ACSS2: variants seen among roughly 807,000 people sequenced by gnomAD.
ACSS2 encodes the protein acyl-CoA synthetase short chain family member 2.
A neutral mutation model predicts 90.6 loss-of-function variants in ACSS2; 58 were observed. That is an observed-to-expected ratio of 0.64 (90% CI 0.52 to 0.80). The LOEUF (loss-of-function observed/expected upper bound fraction) is 0.80. ACSS2 is among the 30% of genes least tolerant of loss of function. The pLI is 0.00. For missense variants in ACSS2, 759 were observed against 912.0 expected (o/e 0.83, Z 2.16); for synonymous variants, 300 against 330.9 (o/e 0.91, Z 1.01).
Position 34,913,421 on chromosome 20 carries a change from C to G in ACSS2, c.495C>G (p.Ile165Met). 1 of 1,614,042 alleles carries G rather than the reference C, an allele frequency of 6.2e-7. No individual in the cohort carries two copies. Residue 165 changes from isoleucine (I) to methionine (M), a missense_variant, in exon 4 of 18, where the codon ATC becomes ATG. Physicochemically the swap from Ile to Met is conservative, Grantham distance 10. Transcript: ENST00000360596. ...TTCAGAAGGGGGACCGAGTGGCCAT[C>G]TACATGCCTATGATCCCAGAGCTTG... Reference protein sequence around the residue: ...QGIQKGDRVAIYMPMIPELVV... With the variant: ...QGIQKGDRVAMYMPMIPELVV...
rs766075605 is a variant in ACSS2, at chr20:34,914,455, A to T, written c.834+18A>T. 2 of 1,576,628 alleles carry T rather than the reference A, an allele frequency of 1.3e-6. No homozygotes were observed. Among genetic ancestry groups the T allele is most frequent in the Non-Finnish European group, 1.7e-6 (2 of 1,161,476 alleles). ...ATGTGCAGGTGAGTCTGGCACTGCT[A>T]TGCCTTTCTCCAGGCTCAAATTCCT... On this transcript the variant is annotated intron_variant, in intron 7 of 17. Transcript: ENST00000360596.
rs777273717 is a variant in ACSS2, at chr20:34,925,770, A to G, written c.1726+4A>G. ...GATGACATGCTCAATGTATCTGGTG[A>G]GGGCCAGGGGCCACCTTCCCATCTT... On this transcript the variant is annotated splice_donor_region_variant and intron_variant, in intron 15 of 17. Transcript: ENST00000360596. 2 of 1,612,188 alleles carry G rather than the reference A, an allele frequency of 1.2e-6. No homozygotes were observed. The highest frequency in any genetic ancestry group is 1.7e-6 in the Non-Finnish European group (2 of 1,179,296).
intron 1 of ACSS2, among the ~76,000 whole-genome samples, chr20:34,879,434 TCAC>T (rs993505645): frequency 1.0e-3 from 158 of 151,950 alleles, no homozygotes; most frequent in African/African-American, 3.7e-3. Flanking sequence ...CAATTTATGC[TCAC>T]CTTTTTCCTC....
rs542179584 is a variant in ACSS2, at chr20:34,912,918, A to G, written c.375-178A>G. Among the ~76,000 whole-genome samples, 3 of 152,370 alleles carry G rather than the reference A, an allele frequency of 2.0e-5. No individual in the cohort carries two copies. The East Asian group carries it at 5.8e-4, about 29-fold the overall frequency. On this transcript the variant is annotated intron_variant, in intron 2 of 17. Coordinates refer to ENST00000360596, the MANE Select transcript of ACSS2 (RefSeq NM_018677.4). ...TGTATAAAATATCTTGAATGGCCAA[A>G]GTATCTGACCCGTCAGCTCAAGATT...
At chr20:34,916,028 C>T (rs1015312932) in intron 7 of ACSS2, among the ~76,000 whole-genome samples, 2 of 152,144 alleles carry the variant, frequency 1.3e-5, no homozygotes, top group African/African-American at 2.4e-5. Flanking sequence ...CTCACTATTC[C>T]TCTGGATTTT....
chr20:34,882,711 T>C (rs6088638), intron 1 of ACSS2, 83 bp from the exon 2 acceptor site: 187,457 of 1,314,978 alleles, frequency 0.14, 15,549 homozygotes, highest in Non-Finnish European at 0.17. Flanking sequence ...TATAATTTGG[T>C]CCTGTGTATA....
At chr20:34,917,831 C>G (rs2081108034) in intron 7 of ACSS2, among the ~76,000 whole-genome samples, 1 of 151,994 alleles carries the variant, frequency 6.6e-6, no homozygotes, top group Non-Finnish European at 1.5e-5. Context: ...CGGCTTACTG[C>G]AACTTCTGCT....
At chr20:34,890,987 G>A (rs1003247806) in intron 2 of ACSS2, among the ~76,000 whole-genome samples, 2 of 148,810 alleles carry the variant, frequency 1.3e-5, no homozygotes, top group Non-Finnish European at 3.0e-5. Flanking sequence ...CCATGTCACT[G>A]AAGTGAACTC....
At chr20:34,879,496 G>GACACACACACACACAC (rs11467604) in intron 1 of ACSS2, among the ~76,000 whole-genome samples, 2 of 147,790 alleles carry the variant, frequency 1.4e-5, no homozygotes, top group African/African-American at 5.0e-5. Context: ...TCCAGATTCT[G>GACACACACACACACAC]ACACACACAC....
chr20:34,927,130 C>T lies in ACSS2; in HGVS notation c.2022C>T (p.Asp674=), dbSNP rs573727038. The T allele has an allele frequency of 6.2e-7, 1 of 1,614,138 alleles. No individual in the cohort carries two copies. The highest frequency in any genetic ancestry group is 1.3e-5 in the African/African-American group (1 of 75,016). Residue 674 remains aspartate, a synonymous_variant, in exon 18 of 18, where the codon GAC becomes GAT. Transcript: ENST00000360596. This position sits in a 1 kb window ranked among gnomAD's most constrained non-coding sequence, Gnocchi z 4.2. The stretch of plus-strand genomic sequence containing the variant: ...TGCTTCGGAAGATTGCTCAGAATGA[C>T]CATGACCTCGGGGACATGTCTACTG... ...RRVLRKIAQN[D]HDLGDMSTVA...
At chr20:34,876,603 G>A (rs751381526), upstream of ACSS2, 2 of 1,294,128 alleles carry the variant, frequency 1.5e-6, no homozygotes, top group Non-Finnish European at 2.0e-6. Context: ...CCCGGCACCC[G>A]CCGCGACCGC....
Position 34,905,373 on chromosome 20 carries a change from C to T in ACSS2, c.375-7723C>T, listed in dbSNP as rs1007604813. 4.0e-5 allele frequency among the ~76,000 whole-genome samples: 6 copies of T among 151,630 alleles called. No individual in the cohort carries two copies. The South Asian group carries it at 1.0e-3, about 26-fold the overall frequency. On this transcript the variant is annotated intron_variant, in intron 2 of 17. Transcript: ENST00000360596. Reference sequence around the variant, plus strand: ...CTGCAAGCTCCACCTCCTGGGTTCACGCCATCCTCCTGCCTCAGCCTCCCG... The same window carrying T: ...CTGCAAGCTCCACCTCCTGGGTTCATGCCATCCTCCTGCCTCAGCCTCCCG...
chr20:34,914,032 G>C, intron 5 of ACSS2, 64 bp from the exon 6 acceptor site: 4 of 1,564,122 alleles, frequency 2.6e-6, no homozygotes, highest in Non-Finnish European at 2.6e-6. Context: ...GGGCCCTATG[G>C]ACATTGTGCC....
At chr20:34,875,597 G>A (rs2079889995), upstream of ACSS2, among the ~76,000 whole-genome samples, 3 of 152,146 alleles carry the variant, frequency 2.0e-5, no homozygotes, top group East Asian at 5.8e-4. Flanking sequence ...CAAAAAAAGA[G>A]AATGTGAATG....
chr20:34,882,627 A>G (rs2080093592), intron 1 of ACSS2, among the ~76,000 whole-genome samples, 167 bp from the exon 2 acceptor site: 1 of 152,096 alleles, frequency 6.6e-6, no homozygotes, highest in South Asian at 2.1e-4. Flanking sequence ...ATCTCCAAAA[A>G]AAAAAAAGTG....
At position 34,927,011 on chromosome 20, in the gene ACSS2, C is replaced by T. The variant is rs1373438360; in HGVS notation, c.1978+60C>T. ...TGAGGCCTGGTGGTGGTGGGGTGTG[C>T]GTGGATGAAAGCCTTTGGCAGGGCT... On this transcript the variant is annotated intron_variant, in intron 17 of 17. Transcript: ENST00000360596. The surrounding 1 kb of genome is among the most constrained non-coding windows in gnomAD (Gnocchi z 4.2). The T allele has an allele frequency of 2.3e-5, 37 of 1,613,538 alleles. No homozygotes were observed. The highest frequency in any genetic ancestry group is 2.7e-5 in the Non-Finnish European group (32 of 1,179,696).
At position 34,906,983 on chromosome 20, in the gene ACSS2, C is replaced by CAAAAAAA. The variant is rs1228479859; in HGVS notation, c.375-6098_375-6092dup. ...TGGGTGACAGAGCGAGACTCCATCT[C>CAAAAAAA]AAAAAAAAAAAAAAAAAAAAAGATC... On this transcript the variant is annotated intron_variant, in intron 2 of 17. Coordinates refer to ENST00000360596, the MANE Select transcript of ACSS2 (RefSeq NM_018677.4). Among the ~76,000 whole-genome samples, 5 of 41,560 alleles carry CAAAAAAA rather than the reference C, an allele frequency of 1.2e-4. 1 individual carries two copies. Among genetic ancestry groups the CAAAAAAA allele is most frequent in the African/African-American group, 3.8e-4 (5 of 13,176 alleles). The allele number at this position is 41,560 out of a possible 152,430, so 27.3% of individuals were successfully genotyped here.
chr20:34,913,335 A>C (rs1463184286), intron 3 of ACSS2, 58 bp from the exon 4 acceptor site: 1 of 1,581,070 alleles, frequency 6.3e-7, no homozygotes, highest in East Asian at 2.2e-5. Context: ...GCTGGATGGG[A>C]GGGAGCAAGT....
chr20:34,876,986 A>G (rs1227335047), intron 1 of ACSS2, among the ~76,000 whole-genome samples, 163 bp downstream of exon 1: 1 of 152,112 alleles, frequency 6.6e-6, no homozygotes, highest in Non-Finnish European at 1.5e-5. Flanking sequence ...GGATTCCGGG[A>G]GGAGACGAGG....
Sources: allele counts gnomAD v4.1 joint callset (sites outside exome capture counted in the v4.1 genomes callset), GRCh38; gene constraint gnomAD v4.1.1; non-coding constraint Gnocchi (gnomAD v3.1); transcripts MANE v1.5; gene names NCBI Gene and HGNC (gene_info 2026-07-23, HGNC 2026-07-21).